Variants in FSTL5 observed in about 807,000 individuals in gnomAD.
The protein encoded by FSTL5 is follistatin like 5.
In FSTL5, 62 loss-of-function variants were observed where a neutral mutation model predicts 89.1. That is an observed-to-expected ratio of 0.70 (90% confidence interval 0.57 to 0.86). The LOEUF (loss-of-function observed/expected upper bound fraction) is 0.86, where lower values mean the gene tolerates loss of function less well. Ranked by LOEUF, FSTL5 falls within the 40% of genes least tolerant of loss-of-function variation. The pLI, the probability that FSTL5 is intolerant of heterozygous loss-of-function variation, is 0.00. For missense variants in FSTL5, 1,057 were observed against 1,001.6 expected (o/e 1.06, Z -0.75); for synonymous variants, 383 against 346.2 (o/e 1.11, Z -1.18).
intron 4 of FSTL5, among the ~76,000 whole-genome samples, chr4:161,815,294 T>C (rs1005938033): frequency 6.6e-6 from 1 of 152,074 alleles, no homozygotes. Context: ...TTTACAATAT[T>C]ATGTGATAAA....
At chr4:161,387,403 T>C (rs1560870074) in intron 15 of FSTL5, 2 of 152,024 alleles carry the variant, frequency 1.3e-5, no homozygotes, top group South Asian at 4.1e-4. Context: ...TGTTCATAAG[T>C]AATACAATGA....
intron 4 of FSTL5, among the ~76,000 whole-genome samples, chr4:161,804,668 C>T (rs761291721): frequency 7.9e-5 from 12 of 151,658 alleles, no homozygotes; most frequent in South Asian, 4.2e-4. Flanking sequence ...ATGTGCCTAA[C>T]GAAATTTTTA....
At chr4:161,514,787 G>C (rs1324166176) in intron 10 of FSTL5, among the ~76,000 whole-genome samples, 1 of 151,986 alleles carries the variant, frequency 6.6e-6, no homozygotes, top group Admixed American at 6.6e-5. Flanking sequence ...AGTCCCAAAA[G>C]ATTAAAGTAA....
intron 12 of FSTL5, among the ~76,000 whole-genome samples, chr4:161,493,309 A>G (rs1216704353): frequency 6.6e-6 from 1 of 151,828 alleles, no homozygotes; most frequent in Non-Finnish European, 1.5e-5. Flanking sequence ...CGAACAGATA[A>G]TATTTAATAT....
chr4:161,776,193 G>A, intron 4 of FSTL5, 119 bp from the exon 5 acceptor site: 1 of 538,850 alleles, frequency 1.9e-6, no homozygotes, highest in Non-Finnish European at 2.9e-6. Context: ...TTACTTTTCT[G>A]GTGTTTTACG....
At position 161,864,462 on chromosome 4, in the gene FSTL5, T is replaced by C. The variant is rs112967573; in HGVS notation, c.409+55942A>G. On this transcript the variant is annotated intron_variant, in intron 4 of 15. Coordinates refer to ENST00000306100, the MANE Select transcript of FSTL5 (RefSeq NM_020116.5). ...ACATAAAAATAAATGTAGCAATTAT[T>C]CTAGGGCTGGGAAAATAGATTAAAT... Among the ~76,000 whole-genome samples, 529 of 152,324 alleles carry C rather than the reference T, an allele frequency of 3.5e-3. 10 individuals are homozygous for C. In the South Asian group the frequency reaches 0.047, roughly 13 times the overall value.
intron 2 of FSTL5, among the ~76,000 whole-genome samples, chr4:162,093,999 A>T (rs1347295078): frequency 6.6e-6 from 1 of 152,188 alleles, no homozygotes; most frequent in Non-Finnish European, 1.5e-5. Flanking sequence ...AGGTAGACAA[A>T]ATAAAGCTAA....
chr4:161,587,474 A>C lies in FSTL5; in HGVS notation c.996T>G (p.Thr332=), dbSNP rs759311889. The C allele has an allele frequency of 1.3e-5, 21 of 1,613,280 alleles. No individual in the cohort carries two copies. Among genetic ancestry groups the C allele is most frequent in the Middle Eastern group, 1.7e-4 (1 of 6,060 alleles). Residue 332 remains threonine (T), a synonymous_variant, in exon 8 of 16, where the codon ACT becomes ACG. Transcript: ENST00000306100. ...TCTTACCATTCACTTGGAAGATGTG[A>C]GTCTGATAGACTTGTTCATAGCCAT... ...YADGYEQVYQ[T]HIFQVNVPPV...
intron 3 of FSTL5, among the ~76,000 whole-genome samples, chr4:161,950,478 T>C (rs1482873274): frequency 1.3e-5 from 2 of 152,150 alleles, no homozygotes; most frequent in Non-Finnish European, 2.9e-5. Flanking sequence ...CCCATATCCT[T>C]GGCGCTGCAG....
At chr4:161,482,640 T>C (rs548494870) in intron 12 of FSTL5, among the ~76,000 whole-genome samples, 8 of 152,336 alleles carry the variant, frequency 5.3e-5, no homozygotes, top group Middle Eastern at 3.4e-3. Context: ...ACATTTGACA[T>C]TGAGTAACCA....
At chr4:161,554,049 C>T (rs1350844785) in intron 8 of FSTL5, among the ~76,000 whole-genome samples, 3 of 151,002 alleles carry the variant, frequency 2.0e-5, no homozygotes, top group African/African-American at 7.3e-5. Context: ...TAACATTACA[C>T]AAATTTAGAA....
At chr4:161,633,353 C>T (rs1372166388) in intron 7 of FSTL5, among the ~76,000 whole-genome samples, 1 of 149,360 alleles carries the variant, frequency 6.7e-6, no homozygotes, top group African/African-American at 2.5e-5. Flanking sequence ...GGTACATGTG[C>T]ACAACGAGAC....
chr4:161,602,173 G>C, intron 7 of FSTL5, among the ~76,000 whole-genome samples: 1 of 136,240 alleles, frequency 7.3e-6, no homozygotes, highest in East Asian at 2.1e-4. Context: ...GACACACACA[G>C]AAAAAAAAAG....
intron 3 of FSTL5, among the ~76,000 whole-genome samples, chr4:161,962,610 T>C (rs1489251311): frequency 6.6e-6 from 1 of 151,894 alleles, no homozygotes; most frequent in Non-Finnish European, 1.5e-5. Context: ...TTATAGGCAT[T>C]GTATGATAGC....
chr4:162,123,713 A>G (rs1731958794), intron 1 of FSTL5, among the ~76,000 whole-genome samples: 1 of 152,314 alleles, frequency 6.6e-6, no homozygotes, highest in South Asian at 2.1e-4. Context: ...CAGTGGTCAG[A>G]ACCCAAGTCA....
rs988268384 is a variant in FSTL5 at position 161,529,813 on chromosome 4, T to C, written c.1312+8353A>G. Among the ~76,000 whole-genome samples, 43 of 142,914 alleles carry C rather than the reference T, an allele frequency of 3.0e-4. 3 individuals carry two copies. Among genetic ancestry groups the C allele is most frequent in the African/African-American group, 1.0e-3 (41 of 40,038 alleles). 93.8% of individuals were successfully genotyped at this position (142,914 alleles called of 152,430 possible). A position where few individuals can be genotyped will look rare whatever the true frequency, so the allele number is the denominator to read the frequency against. ...CTTTATGGATTTTTGCTGTATGTTA[T>C]TATTCTATCTATCTCACAGTTATTG... On this transcript the variant is annotated intron_variant, in intron 10 of 15. Coordinates refer to ENST00000306100, the MANE Select transcript of FSTL5 (RefSeq NM_020116.5).
At chr4:161,893,551 C>T (rs1218805098) in intron 4 of FSTL5, among the ~76,000 whole-genome samples, 1 of 152,088 alleles carries the variant, frequency 6.6e-6, no homozygotes, top group African/African-American at 2.4e-5. Flanking sequence ...TATTTCCAAT[C>T]AAACAGAACA....
chr4:162,005,535 G>C (rs1206924938), intron 3 of FSTL5, among the ~76,000 whole-genome samples: 1 of 152,062 alleles, frequency 6.6e-6, no homozygotes, highest in Non-Finnish European at 1.5e-5. Flanking sequence ...AGACGGGAAT[G>C]GGATCCCAAG....
At chr4:161,803,915 C>G (rs1301784155) in intron 4 of FSTL5, among the ~76,000 whole-genome samples, 2 of 151,942 alleles carry the variant, frequency 1.3e-5, no homozygotes, top group African/African-American at 4.8e-5. Context: ...TTTTCTTTTT[C>G]TAGAGGCTTT....
Sources: gnomAD v4.1 joint callset for allele counts (sites outside exome capture counted in the v4.1 genomes callset) on GRCh38, gnomAD v4.1.1 for gene constraint, MANE v1.5 for transcripts, NCBI Gene and HGNC (gene_info 2026-07-23, HGNC 2026-07-21) for gene names.